SLC8A1: variants seen among roughly 807,000 people sequenced by gnomAD.
SLC8A1 encodes the protein solute carrier family 8 member A1.
A neutral mutation model predicts 68.3 loss-of-function variants in SLC8A1; 18 were observed. The observed-to-expected ratio is 0.26, with a 90% CI of 0.18 to 0.39. SLC8A1 has a LOEUF of 0.39. SLC8A1 is among the 10% of genes least tolerant of loss of function. SLC8A1 has a pLI of 1.00. For synonymous variants in SLC8A1, 475 were observed against 415.5 expected, an observed-to-expected ratio of 1.14 and a Z score of -1.74; for missense variants, 985 against 1,156.7, an observed-to-expected ratio of 0.85 and a Z score of 2.15.
chr2:40,225,923 C>G (rs407267), intron 2 of SLC8A1, among the ~76,000 whole-genome samples: 2 of 152,078 alleles, frequency 1.3e-5, no homozygotes, highest in Non-Finnish European at 2.9e-5. Flanking sequence ...TATTTATACA[C>G]TGCTTTGCAG....
intron 1 of SLC8A1, among the ~76,000 whole-genome samples, chr2:40,443,354 C>A (rs1452518588): frequency 1.3e-5 from 2 of 152,100 alleles, no homozygotes; most frequent in African/African-American, 4.8e-5. Context: ...AGGACTTCAC[C>A]TACCAGAGTA....
chr2:40,419,076 T>C (rs1694741591), intron 2 of SLC8A1, among the ~76,000 whole-genome samples: 1 of 152,226 alleles, frequency 6.6e-6, no homozygotes, highest in East Asian at 1.9e-4. Flanking sequence ...CCATCTCCTC[T>C]AGTAAAGCTT....
intron 2 of SLC8A1, among the ~76,000 whole-genome samples, chr2:40,401,254 G>A (rs6544337): frequency 0.56 from 84,441 of 151,964 alleles, 24,086 homozygotes; most frequent in Non-Finnish European, 0.62. Context: ...CCTACACTTC[G>A]GAGAAACTGT....
intron 2 of SLC8A1, among the ~76,000 whole-genome samples, chr2:40,246,355 T>C (rs897480248): frequency 6.6e-6 from 1 of 152,240 alleles, no homozygotes; most frequent in African/African-American, 2.4e-5. Context: ...TACCCTGCAA[T>C]CATGCAACTT....
At chr2:40,152,206 T>C (rs895697670) in intron 6 of SLC8A1, among the ~76,000 whole-genome samples, 1 of 152,338 alleles carries the variant, frequency 6.6e-6, no homozygotes, top group South Asian at 2.1e-4. Context: ...ACAGAAAGTA[T>C]GTATTTCTTG....
intron 2 of SLC8A1, among the ~76,000 whole-genome samples, chr2:40,338,178 G>C (rs112791086): frequency 0.026 from 3,972 of 152,122 alleles, 65 homozygotes; most frequent in Middle Eastern, 0.054. Flanking sequence ...AATCGTAGTG[G>C]GGTAGCATCA....
intron 7 of SLC8A1, among the ~76,000 whole-genome samples, chr2:40,125,905 CT>C (rs1179338264): frequency 6.6e-6 from 1 of 152,140 alleles, no homozygotes; most frequent in African/African-American, 2.4e-5. Context: ...TGTTAAATAT[CT>C]CTTATTTTTA....
intron 7 of SLC8A1, among the ~76,000 whole-genome samples, chr2:40,121,685 G>A (rs1431809963): frequency 6.6e-6 from 1 of 152,142 alleles, no homozygotes. Flanking sequence ...ATAGGGCCTG[G>A]CACTTAATGG....
Position 40,411,660 on chromosome 2 carries a change from C to A in SLC8A1, c.1808+16813G>T, listed in dbSNP as rs867976404. On this transcript the variant is annotated intron_variant, in intron 2 of 7. Transcript: ENST00000406785. ...GGGGCCTCATTAAATAAATTGTATTCATTTAATGAAATAATACTTAGATAT... is the reference window on the plus strand; with the variant it reads ...GGGGCCTCATTAAATAAATTGTATTAATTTAATGAAATAATACTTAGATAT... 2.0e-5 allele frequency among the ~76,000 whole-genome samples: 3 copies of A among 152,052 alleles called. No individual in the cohort carries two copies. The Middle Eastern group carries it at 0.01, about 517-fold the overall frequency.
chr2:40,415,884 ACACAC>A (rs1693692324), intron 2 of SLC8A1, among the ~76,000 whole-genome samples: 3 of 148,330 alleles, frequency 2.0e-5, no homozygotes, highest in East Asian at 4.0e-4. Context: ...ACACACACAC[ACACAC>A]ACACACACAC....
At chr2:40,408,260 C>G (rs1019251438) in intron 2 of SLC8A1, among the ~76,000 whole-genome samples, 3 of 152,112 alleles carry the variant, frequency 2.0e-5, no homozygotes, top group Non-Finnish European at 2.9e-5. Flanking sequence ...TAAACTTATA[C>G]CTTCAAAAGT....
chr2:40,332,602 C>T (rs1291983385), intron 2 of SLC8A1, among the ~76,000 whole-genome samples: 2 of 152,158 alleles, frequency 1.3e-5, no homozygotes, highest in Non-Finnish European at 2.9e-5. Flanking sequence ...GGCTTAGGAA[C>T]ATAATTCTCT....
At chr2:40,244,228 G>A (rs564014462) in intron 2 of SLC8A1, among the ~76,000 whole-genome samples, 2 of 152,158 alleles carry the variant, frequency 1.3e-5, no homozygotes, top group African/African-American at 4.8e-5. Context: ...TCTTGGTTTA[G>A]TGGTGGGAGA....
chr2:40,505,650 G>A (rs1162686722), intron 1 of SLC8A1, among the ~76,000 whole-genome samples: 1 of 151,890 alleles, frequency 6.6e-6, no homozygotes, highest in Admixed American at 6.6e-5. Context: ...TCAAAGGGGA[G>A]CAGTTGATTT....
At chr2:40,331,617 G>A (rs762864614) in intron 2 of SLC8A1, among the ~76,000 whole-genome samples, 5 of 150,018 alleles carry the variant, frequency 3.3e-5, no homozygotes, top group African/African-American at 9.8e-5. Flanking sequence ...TTTTTGAGAC[G>A]GAGTCTCGCT....
intron 1 of SLC8A1, among the ~76,000 whole-genome samples, chr2:40,447,501 T>C (rs992546279): frequency 6.6e-6 from 1 of 151,878 alleles, no homozygotes; most frequent in Non-Finnish European, 1.5e-5. Flanking sequence ...AACCTAGTTT[T>C]AAACCTCTTT....
chr2:40,114,809 A>C (rs2035032091), exon 8 of SLC8A1: 1 of 152,434 alleles, frequency 6.6e-6, no homozygotes, highest in Non-Finnish European at 1.5e-5. Flanking sequence ...CTAATGATTT[A>C]AATTTTTACC....
intron 1 of SLC8A1, among the ~76,000 whole-genome samples, chr2:40,433,418 C>G (rs1285385240): frequency 6.6e-6 from 1 of 152,114 alleles, no homozygotes; most frequent in Non-Finnish European, 1.5e-5. Context: ...AACCAATTTC[C>G]TGAGAGAATA....
At chr2:40,169,946 A>G (rs538276541) in intron 4 of SLC8A1, among the ~76,000 whole-genome samples, 4 of 152,202 alleles carry the variant, frequency 2.6e-5, no homozygotes, top group African/African-American at 9.6e-5. Context: ...CCCCATCTCA[A>G]ATAAAATAAA....
Sources: allele counts gnomAD v4.1 joint callset (sites outside exome capture counted in the v4.1 genomes callset), GRCh38; gene constraint gnomAD v4.1.1; transcripts MANE v1.5; gene names NCBI Gene and HGNC (gene_info 2026-07-23, HGNC 2026-07-21).